The following PHACTR4 variants were observed in gnomAD, a reference collection of about 807,000 sequenced individuals.
PHACTR4 encodes protein phosphatase 1, regulatory subunit 124.
PHACTR4 carries 51 observed loss-of-function variants against 72.7 expected under a neutral mutation model. The observed-to-expected ratio is 0.70, with a 90% CI of 0.56 to 0.89. The LOEUF is 0.89. Among genes scored for constraint, PHACTR4 ranks in the 40% least tolerant of loss-of-function variants. The pLI, the probability that PHACTR4 is intolerant of heterozygous loss-of-function variation, is 0.00. For synonymous variants in PHACTR4, 255 were observed against 302.5 expected (o/e 0.84, Z 1.63); for missense variants, 731 against 861.8 (o/e 0.85, Z 1.90).
intron 9 of PHACTR4, among the ~76,000 whole-genome samples, chr1:28,487,724 G>GTT (rs1054105118): frequency 1.3e-3 from 96 of 71,464 alleles, no homozygotes; most frequent in African/African-American, 4.3e-3. Flanking sequence ...GTAGTTTTTT[G>GTT]TTGTTTTTTT....
chr1:28,475,534 G>A (rs940256972), intron 7 of PHACTR4, among the ~76,000 whole-genome samples: 1 of 152,030 alleles, frequency 6.6e-6, no homozygotes, highest in African/African-American at 2.4e-5. Context: ...TTACTCTGTA[G>A]GCTTGTGAGA....
chr1:28,449,558 A>G (rs1170169763), intron 2 of PHACTR4, among the ~76,000 whole-genome samples: 3 of 152,250 alleles, frequency 2.0e-5, no homozygotes, highest in Admixed American at 1.3e-4. Context: ...TTATTTAAAA[A>G]TCACAGCCAA....
chr1:28,384,373 T>C (rs1652409623), intron 1 of PHACTR4, among the ~76,000 whole-genome samples: 1 of 152,194 alleles, frequency 6.6e-6, no homozygotes, highest in Non-Finnish European at 1.5e-5. Flanking sequence ...ATTCAATTTC[T>C]TCCTGGTTCA....
intron 2 of PHACTR4, among the ~76,000 whole-genome samples, chr1:28,450,546 C>T (rs1415786763): frequency 6.6e-6 from 1 of 151,928 alleles, no homozygotes; most frequent in Non-Finnish European, 1.5e-5. Flanking sequence ...TTTGGGTGTA[C>T]TTATATAATT....
chr1:28,390,236 C>T (rs996876024), intron 1 of PHACTR4, among the ~76,000 whole-genome samples: 4 of 152,052 alleles, frequency 2.6e-5, no homozygotes, highest in African/African-American at 7.2e-5. Context: ...ACTATAGCCT[C>T]GAAGTCCCTC....
intron 1 of PHACTR4, among the ~76,000 whole-genome samples, chr1:28,372,033 C>T (rs1229279967): frequency 3.3e-5 from 5 of 151,682 alleles, no homozygotes; most frequent in Non-Finnish European, 7.4e-5. Context: ...AGGCATGTGC[C>T]ACCACTCCCG....
rs557922436 is a variant in PHACTR4 at position 28,497,246 on chromosome 1, A to G, written c.*697A>G. ...GGAACTTAGTTTTTCCTGAACTCCA[A>G]CCAGAATCCAAATTGGTTAGATGAG... is the stretch of plus-strand genomic sequence containing the variant. On this transcript the variant is annotated 3_prime_UTR_variant, in exon 14 of 14. Transcript: ENST00000373839. 6.6e-6 allele frequency: 1 copy of G among 152,250 alleles called. No homozygotes were observed. Among genetic ancestry groups the G allele is most frequent in the East Asian group, 1.9e-4 (1 of 5,180 alleles). 9.4% of individuals were successfully genotyped at this position (152,250 alleles called of 1,614,324 possible).
rs1350018042 is a variant in PHACTR4, at chr1:28,473,475, A to G, written c.824-79A>G. On this transcript the variant is annotated intron_variant, in intron 6 of 13. Coordinates refer to ENST00000373839, the MANE Select transcript of PHACTR4 (RefSeq NM_001048183.3). ...GCTTAAAAGATTAAAACTGAACTCA[A>G]CTTTAATTCTAGGCCCTGGGCCGGC... 2.8e-6 allele frequency: 3 copies of G among 1,057,724 alleles called. No individual in the cohort carries two copies. The African/African-American group carries it at 4.8e-5, about 17-fold the overall frequency. 65.5% of individuals were successfully genotyped at this position (1,057,724 alleles called of 1,614,324 possible). A position where few individuals can be genotyped will look rare whatever the true frequency, so the allele number is the denominator to read the frequency against.
intron 8 of PHACTR4, among the ~76,000 whole-genome samples, chr1:28,478,394 G>A (rs1347553084): frequency 6.6e-6 from 1 of 151,896 alleles, no homozygotes; most frequent in Non-Finnish European, 1.5e-5. Flanking sequence ...CTTTCTTTTG[G>A]ATATGTACCC....
chr1:28,389,926 G>A (rs1233072306), intron 1 of PHACTR4, among the ~76,000 whole-genome samples: 1 of 152,112 alleles, frequency 6.6e-6, no homozygotes, highest in Non-Finnish European at 1.5e-5. Context: ...CATGTTCATT[G>A]CAGCATTATT....
At chr1:28,443,110 C>T (rs1433894274) in intron 2 of PHACTR4, among the ~76,000 whole-genome samples, 1 of 152,108 alleles carries the variant, frequency 6.6e-6, no homozygotes, top group Non-Finnish European at 1.5e-5. Flanking sequence ...CTAGTAGCCT[C>T]TGTTGTACTT....
chr1:28,447,988 G>A (rs887224590), intron 2 of PHACTR4, among the ~76,000 whole-genome samples: 46 of 152,246 alleles, frequency 3.0e-4, no homozygotes, highest in African/African-American at 1.1e-3. Flanking sequence ...GTTGTTTAAA[G>A]CCAATAATAA....
chr1:28,449,163 A>G (rs1657749220), intron 2 of PHACTR4, among the ~76,000 whole-genome samples: 1 of 151,910 alleles, frequency 6.6e-6, no homozygotes, highest in African/African-American at 2.4e-5. Context: ...AACAACAACA[A>G]CAACAACTGG....
chr1:28,410,060 G>A (rs1212911573), intron 2 of PHACTR4, among the ~76,000 whole-genome samples: 2 of 97,304 alleles, frequency 2.1e-5, no homozygotes, highest in East Asian at 8.6e-4. Flanking sequence ...TCCGCCTCCC[G>A]AGTTCAAGCC....
chr1:28,494,518 G>A (rs1472769199), intron 13 of PHACTR4, among the ~76,000 whole-genome samples: 1 of 152,200 alleles, frequency 6.6e-6, no homozygotes, highest in Non-Finnish European at 1.5e-5. Flanking sequence ...GCCGGGCATG[G>A]TGGCATGCCT....
chr1:28,426,579 G>T (rs868146211), intron 2 of PHACTR4, among the ~76,000 whole-genome samples: 13 of 152,150 alleles, frequency 8.5e-5, no homozygotes, highest in Middle Eastern at 3.4e-3. Flanking sequence ...CAGGAGAATG[G>T]CGTGAACCCG....
intron 3 of PHACTR4, 137 bp downstream of exon 3, chr1:28,459,395 C>CA: frequency 3.6e-6 from 1 of 280,804 alleles, no homozygotes; most frequent in Non-Finnish European, 6.3e-6. Flanking sequence ...TTTCCTTCTT[C>CA]TTTTTTTTTT....
In PHACTR4 at chr1:28,473,762, C is replaced by A; in HGVS notation, c.1032C>A (p.Ser344=). Reference sequence around the variant, plus strand: ...CAATGATCTCACCTCGCTCTCCGTCCCCCCCACTGCCTACTCATATACCTC... The same window carrying A: ...CAATGATCTCACCTCGCTCTCCGTCACCCCCACTGCCTACTCATATACCTC... ...LLPMISPRSP[S]PPLPTHIPPE... is the part of the protein sequence containing the mutation. Residue 344 remains serine (S), a synonymous_variant, in exon 7 of 14, where the codon TCC becomes TCA. Coordinates refer to ENST00000373839, the MANE Select transcript of PHACTR4 (RefSeq NM_001048183.3). 6.2e-7 allele frequency: 1 copy of A among 1,613,974 alleles called. No individual in the cohort carries two copies.
chr1:28,437,932 G>A (rs1265533771), intron 2 of PHACTR4, among the ~76,000 whole-genome samples: 1 of 152,184 alleles, frequency 6.6e-6, no homozygotes, highest in African/African-American at 2.4e-5. Flanking sequence ...CCATCCTGGT[G>A]TTTTTGTGTG....
Sources: allele counts gnomAD v4.1 joint callset (sites outside exome capture counted in the v4.1 genomes callset), GRCh38; gene constraint gnomAD v4.1.1; transcripts MANE v1.5; gene names NCBI Gene and HGNC (gene_info 2026-07-23, HGNC 2026-07-21).